Variants in SFMBT2 observed in about 807,000 individuals in gnomAD.
The protein encoded by SFMBT2 is Scm like with four mbt domains 2, also known as scm-like with four MBT domains protein 2.
In SFMBT2, 38 loss-of-function variants were observed where a neutral mutation model predicts 110.1. The observed-to-expected ratio is 0.35, with a 90% CI of 0.27 to 0.45. The LOEUF (loss-of-function observed/expected upper bound fraction) is 0.45. SFMBT2 is among the 20% of genes least tolerant of loss of function. The pLI is 1.00. For missense variants in SFMBT2, 1,011 were observed against 1,094.9 expected, an observed-to-expected ratio of 0.92 and a Z score of 1.08; for synonymous variants, 425 against 425.4, an observed-to-expected ratio of 1.00 and a Z score of 0.01.
chr10:7,249,333 C>T (rs560512550), intron 7 of SFMBT2: 17 of 218,652 alleles, frequency 7.8e-5, no homozygotes, highest in African/African-American at 2.6e-4. Context: ...GGGGCTTTCC[C>T]GCCTCCTAAG....
chr10:7,397,677 G>A (rs1401768337), intron 1 of SFMBT2, among the ~76,000 whole-genome samples: 2 of 152,272 alleles, frequency 1.3e-5, no homozygotes, highest in Non-Finnish European at 2.9e-5. Context: ...CTGTTTCCAT[G>A]TTCCTAAGAA....
At chr10:7,327,181 A>T (rs1407420306) in intron 4 of SFMBT2, among the ~76,000 whole-genome samples, 1 of 151,352 alleles carries the variant, frequency 6.6e-6, no homozygotes, top group East Asian at 1.9e-4. Flanking sequence ...TCTCGTATCC[A>T]CAACAACAAC....
At position 7,172,299 on chromosome 10, in the gene SFMBT2, C is replaced by A. The variant is rs558642110; in HGVS notation, c.2152-141G>T. 3 of 1,452,444 alleles carry A rather than the reference C, an allele frequency of 2.1e-6. No individual in the cohort carries two copies. The highest frequency in any genetic ancestry group is 2.7e-6 in the Non-Finnish European group (3 of 1,104,408). 90.0% of individuals were successfully genotyped at this position (1,452,444 alleles called of 1,614,324 possible). A position where few individuals can be genotyped will look rare whatever the true frequency, so the allele number is the denominator to read the frequency against. ...CCAGTGGTCCCACCCGTGGGCCCTACGAGGCCCTTCCCAGCCAAAGCAGCT... is the reference window on the plus strand; with the variant it reads ...CCAGTGGTCCCACCCGTGGGCCCTAAGAGGCCCTTCCCAGCCAAAGCAGCT... On this transcript the variant is annotated intron_variant, in intron 18 of 20. Coordinates refer to ENST00000397167, the MANE Select transcript of SFMBT2 (RefSeq NM_001387889.1). This position sits in a 1 kb window ranked among gnomAD's most constrained non-coding sequence, Gnocchi z 4.6.
chr10:7,269,088 C>A (rs945545135), intron 7 of SFMBT2, among the ~76,000 whole-genome samples: 4 of 152,128 alleles, frequency 2.6e-5, no homozygotes, highest in African/African-American at 9.7e-5. Context: ...TAAAATGAGG[C>A]TTTTAATGTC....
At chr10:7,244,548 C>T (rs944242907) in intron 8 of SFMBT2, among the ~76,000 whole-genome samples, 32 of 151,992 alleles carry the variant, frequency 2.1e-4, no homozygotes, top group Admixed American at 2.1e-3. Flanking sequence ...GAAGAAACAT[C>T]AATGAAGAAA....
intron 2 of SFMBT2, among the ~76,000 whole-genome samples, chr10:7,371,489 T>G (rs1467547382): frequency 2.0e-5 from 3 of 152,166 alleles, no homozygotes; most frequent in Non-Finnish European, 4.4e-5. Flanking sequence ...ATCAAGCAAT[T>G]CCCCAAACAT....
At chr10:7,239,794 C>T (rs1330577237) in intron 9 of SFMBT2, among the ~76,000 whole-genome samples, 1 of 152,134 alleles carries the variant, frequency 6.6e-6, no homozygotes, top group Non-Finnish European at 1.5e-5. Context: ...GAAGGAGGAA[C>T]ATTACAAAAC....
At chr10:7,167,738 G>A (rs1302701133) in intron 20 of SFMBT2, among the ~76,000 whole-genome samples, 1 of 152,172 alleles carries the variant, frequency 6.6e-6, no homozygotes, top group African/African-American at 2.4e-5. Flanking sequence ...GTGGGCAATG[G>A]CTTTTTATTC....
Position 7,227,946 on chromosome 10 carries a change from G to C in SFMBT2, c.1121-9C>G. ...GTCCTGGCCAGAGTAACCTGGGAAT[G>C]ACAAAACACAGATAAAACAGCGCAC... is the stretch of plus-strand genomic sequence containing the variant. On this transcript the variant is annotated splice_polypyrimidine_tract_variant and intron_variant, in intron 9 of 20. Coordinates refer to ENST00000397167, the MANE Select transcript of SFMBT2 (RefSeq NM_001387889.1). The C allele has an allele frequency of 6.4e-7, 1 of 1,574,052 alleles. No individual in the cohort carries two copies. The highest frequency in any genetic ancestry group is 8.6e-7 in the Non-Finnish European group (1 of 1,166,120).
At chr10:7,321,910 T>C (rs1843201331) in intron 4 of SFMBT2, among the ~76,000 whole-genome samples, 1 of 152,256 alleles carries the variant, frequency 6.6e-6, no homozygotes, top group Non-Finnish European at 1.5e-5. Flanking sequence ...ATAAGTTTTA[T>C]GCAACTCCAA....
At chr10:7,402,097 C>T (rs1383924738) in intron 1 of SFMBT2, among the ~76,000 whole-genome samples, 1 of 147,172 alleles carries the variant, frequency 6.8e-6, no homozygotes, top group African/African-American at 2.5e-5. Flanking sequence ...ATGGTGACTA[C>T]TGAGTATTTA....
intron 2 of SFMBT2, among the ~76,000 whole-genome samples, chr10:7,380,232 A>T (rs1419442670): frequency 6.6e-6 from 1 of 152,214 alleles, no homozygotes; most frequent in African/African-American, 2.4e-5. Context: ...AATAATTTCC[A>T]TGTTTCCAGG....
chr10:7,263,453 G>A (rs1841280287), intron 7 of SFMBT2, among the ~76,000 whole-genome samples: 1 of 152,126 alleles, frequency 6.6e-6, no homozygotes, highest in South Asian at 2.1e-4. Context: ...TGTTAGCCAG[G>A]CTGGTCTCGA....
chr10:7,355,645 T>C (rs1217802461), intron 4 of SFMBT2, among the ~76,000 whole-genome samples: 4 of 152,170 alleles, frequency 2.6e-5, no homozygotes, highest in East Asian at 1.9e-4. Flanking sequence ...ACCCCTTCTC[T>C]ATTAAAAATA....
chr10:7,296,523 T>C (rs1026406498), intron 4 of SFMBT2, among the ~76,000 whole-genome samples: 3 of 152,222 alleles, frequency 2.0e-5, no homozygotes, highest in Non-Finnish European at 2.9e-5. Context: ...GCAAAAGAAC[T>C]TCCATTCAAA....
intron 15 of SFMBT2, among the ~76,000 whole-genome samples, chr10:7,194,103 G>A (rs759670118): frequency 4.5e-4 from 69 of 152,126 alleles, no homozygotes; most frequent in Admixed American, 2.1e-3. Flanking sequence ...TGTGAGGGGC[G>A]GTCACCAGCT....
At chr10:7,402,827 A>G (rs967043194) in intron 1 of SFMBT2, among the ~76,000 whole-genome samples, 1 of 152,168 alleles carries the variant, frequency 6.6e-6, no homozygotes, top group East Asian at 1.9e-4. Flanking sequence ...AAAAGACCAA[A>G]AACTAAAGTT....
At chr10:7,280,614 A>C (rs1180610844) in intron 6 of SFMBT2, among the ~76,000 whole-genome samples, 1 of 152,232 alleles carries the variant, frequency 6.6e-6, no homozygotes. Context: ...ATCAAAGTAC[A>C]ACCTTAAGAC....
chr10:7,229,306 C>T (rs1162868213), intron 9 of SFMBT2, among the ~76,000 whole-genome samples: 2 of 152,082 alleles, frequency 1.3e-5, no homozygotes, highest in African/African-American at 4.8e-5. Context: ...ATAGGCCGGG[C>T]GCGGTGGCTC....
Sources: allele counts gnomAD v4.1 joint callset (sites outside exome capture counted in the v4.1 genomes callset), GRCh38; gene constraint gnomAD v4.1.1; non-coding constraint Gnocchi (gnomAD v3.1); transcripts MANE v1.5; gene names NCBI Gene and HGNC (gene_info 2026-07-23, HGNC 2026-07-21).